Variants in OPRM1 observed in about 807,000 individuals in gnomAD.
OPRM1 encodes opioid receptor mu 1.
A neutral mutation model predicts 31.8 loss-of-function variants in OPRM1; 27 were observed. The observed-to-expected ratio is 0.85, with a 90% CI of 0.63 to 1.17. The LOEUF (loss-of-function observed/expected upper bound fraction) is 1.17, where lower values mean the gene tolerates loss of function less well. Among genes scored for constraint, OPRM1 ranks in the 50% most tolerant of loss-of-function variants. OPRM1 has a pLI of 0.00. For missense variants in OPRM1, 536 were observed against 511.1 expected, an observed-to-expected ratio of 1.05 and a Z score of -0.47; for synonymous variants, 196 against 189.9, an observed-to-expected ratio of 1.03 and a Z score of -0.26.
At chr6:154,237,680 C>T (rs1780241681) in intron 3 of OPRM1, among the ~76,000 whole-genome samples, 1 of 152,120 alleles carries the variant, frequency 6.6e-6, no homozygotes, top group Admixed American at 6.5e-5. Flanking sequence ...TACAAGACCT[C>T]ATAATAAAGT....
At chr6:154,024,246 T>C (rs921725067) in intron 1 of OPRM1, among the ~76,000 whole-genome samples, 4 of 152,114 alleles carry the variant, frequency 2.6e-5, no homozygotes, top group African/African-American at 9.7e-5. Context: ...AGGTTTTGGA[T>C]TTCTTCATGG....
intron 3 of OPRM1, among the ~76,000 whole-genome samples, chr6:154,180,514 C>T (rs1800779930): frequency 6.6e-6 from 1 of 151,618 alleles, no homozygotes; most frequent in Admixed American, 6.6e-5. Flanking sequence ...CAAGACCCTG[C>T]CAAATGAATG....
At chr6:154,138,432 G>A (rs1308947556) in intron 3 of OPRM1, among the ~76,000 whole-genome samples, 1 of 152,158 alleles carries the variant, frequency 6.6e-6, no homozygotes, top group African/African-American at 2.4e-5. Flanking sequence ...TCTGGAGGTG[G>A]GACCTGGTCC....
chr6:154,037,908 G>A (rs1374808450), upstream of OPRM1, among the ~76,000 whole-genome samples: 2 of 152,110 alleles, frequency 1.3e-5, no homozygotes, highest in South Asian at 2.1e-4. Context: ...AAGCACAAAG[G>A]AACTGAATGC....
Position 154,129,028 on chromosome 6 carries a change from A to T in OPRM1, c.*10307A>T, listed in dbSNP as rs1797743456. On this transcript the variant is annotated 3_prime_UTR_variant, in exon 4 of 4. Transcript: ENST00000330432. ...ACCTCATGGTGTAGCAGGATGAGCC[A>T]CAGACAAAACCTCTCAGACACCGAG... Among the ~76,000 whole-genome samples, 1 of 152,196 alleles carries T rather than the reference A, an allele frequency of 6.6e-6. No individual in the cohort carries two copies. The highest frequency in any genetic ancestry group is 1.5e-5 in the Non-Finnish European group (1 of 68,034).
At chr6:154,238,689 CT>C (rs1228553892) in intron 3 of OPRM1, among the ~76,000 whole-genome samples, 1 of 151,826 alleles carries the variant, frequency 6.6e-6, no homozygotes, top group African/African-American at 2.4e-5. Context: ...ACTGTATAAC[CT>C]TTTTTATAAT....
intron 1 of OPRM1, among the ~76,000 whole-genome samples, chr6:154,055,874 C>G: frequency 6.6e-6 from 1 of 152,182 alleles, no homozygotes; most frequent in South Asian, 2.1e-4. Context: ...GTGAAAGAAT[C>G]TCAAGCAGGA....
chr6:154,134,588 A>T (rs1798008976), downstream of OPRM1, among the ~76,000 whole-genome samples: 1 of 152,106 alleles, frequency 6.6e-6, no homozygotes, highest in Non-Finnish European at 1.5e-5. Flanking sequence ...AGTGCTAGAG[A>T]CATAATATAT....
rs565642226 is a variant in OPRM1, at chr6:154,183,333, T to C, written c.1165-63360T>C. The stretch of plus-strand genomic sequence containing the variant: ...TTCACTTATCGCTATGACTATTATC[T>C]ACTGCAATCTATGTACTTGCATAAC... On this transcript the variant is annotated intron_variant, in intron 3 of 3. Coordinates refer to the OPRM1 transcript ENST00000337049. Among the ~76,000 whole-genome samples, 41 of 152,356 alleles carry C rather than the reference T, an allele frequency of 2.7e-4. No individual in the cohort carries two copies. The South Asian group carries it at 3.3e-3, about 12-fold the overall frequency.
At chr6:154,245,333 C>T (rs1399591551) in intron 3 of OPRM1, among the ~76,000 whole-genome samples, 2 of 151,734 alleles carry the variant, frequency 1.3e-5, no homozygotes, top group Non-Finnish European at 2.9e-5. Context: ...AGCTTTGTGC[C>T]ACATTTTTCA....
intron 3 of OPRM1, among the ~76,000 whole-genome samples, chr6:154,092,814 C>T (rs17181262): frequency 6.6e-6 from 1 of 152,158 alleles, no homozygotes; most frequent in Non-Finnish European, 1.5e-5. Flanking sequence ...ACTCACACCC[C>T]CTAGAGAGCA....
chr6:154,156,398 G>A (rs1336988403), intron 3 of OPRM1: 2 of 152,302 alleles, frequency 1.3e-5, no homozygotes, highest in African/African-American at 4.8e-5. Flanking sequence ...AAGGTAACAG[G>A]TGAAGCGAGG....
At chr6:154,077,364 C>T (rs1775721625) in intron 1 of OPRM1, among the ~76,000 whole-genome samples, 1 of 151,816 alleles carries the variant, frequency 6.6e-6, no homozygotes, top group Non-Finnish European at 1.5e-5. Flanking sequence ...ATGATGTGCC[C>T]ACCTCGGCCT....
chr6:154,099,850 A>G lies in OPRM1; in HGVS notation c.1164+8378A>G, dbSNP rs1583537819. 2.1e-5 allele frequency among the ~76,000 whole-genome samples: 3 copies of G among 146,094 alleles called. No individual in the cohort carries two copies. The Admixed American group carries it at 2.1e-4, about 10-fold the overall frequency. The stretch of plus-strand genomic sequence containing the variant: ...ATATATCATATCAGGATATATCATA[A>G]TATATTATATATTATCATATGATAT... On this transcript the variant is annotated intron_variant, in intron 3 of 3. Transcript: ENST00000330432.
At chr6:154,234,590 C>G (rs1779971605) in intron 3 of OPRM1, among the ~76,000 whole-genome samples, 1 of 152,208 alleles carries the variant, frequency 6.6e-6, no homozygotes, top group Admixed American at 6.5e-5. Context: ...GGATATGGCT[C>G]TCTCACTATC....
intron 3 of OPRM1, among the ~76,000 whole-genome samples, chr6:154,113,137 A>G (rs1483666817): frequency 6.6e-6 from 1 of 152,194 alleles, no homozygotes; most frequent in African/African-American, 2.4e-5. Flanking sequence ...CCCATTTACA[A>G]TCAGGGAGCT....
chr6:154,156,225 GAGACTGTGCTCAA>G (rs1263788653), intron 3 of OPRM1: 4 of 152,280 alleles, frequency 2.6e-5, no homozygotes, highest in Admixed American at 2.0e-4. Context: ...CCACTAGGAG[GAGACTGTGCTCAA>G]GCACAGAGAG....
chr6:154,238,916 ATTG>A (rs959491729), intron 3 of OPRM1, among the ~76,000 whole-genome samples: 1 of 150,972 alleles, frequency 6.6e-6, no homozygotes, highest in East Asian at 1.9e-4. Context: ...TGGATTCTAT[ATTG>A]TTGTTTTTTT....
intron 3 of OPRM1, among the ~76,000 whole-genome samples, chr6:154,153,109 A>G (rs1798586388): frequency 1.3e-5 from 2 of 152,142 alleles, no homozygotes; most frequent in South Asian, 4.1e-4. Context: ...CCTATGGTGA[A>G]CATACCTTGA....
Sources: allele counts gnomAD v4.1 joint callset (sites outside exome capture counted in the v4.1 genomes callset), GRCh38; gene constraint gnomAD v4.1.1; transcripts MANE v1.5; gene names NCBI Gene and HGNC (gene_info 2026-07-23, HGNC 2026-07-21).